The following COL4A3 variants were observed in gnomAD, a reference collection of about 807,000 sequenced individuals.
The protein encoded by COL4A3 is collagen alpha-3(IV) chain.
In COL4A3, 135 loss-of-function variants were observed where a neutral mutation model predicts 217.4. The observed-to-expected ratio is 0.62, with a 90% CI of 0.54 to 0.72. The LOEUF (loss-of-function observed/expected upper bound fraction) is 0.72. Ranked by LOEUF, COL4A3 falls within the 30% of genes least tolerant of loss-of-function variation. COL4A3 has a pLI of 0.00. For missense variants in COL4A3, 1,868 were observed against 2,119.9 expected, an observed-to-expected ratio of 0.88 and a Z score of 2.33; for synonymous variants, 690 against 736.3, an observed-to-expected ratio of 0.94 and a Z score of 1.02.
chr2:227,171,924 T>C (rs1430046401), intron 1 of COL4A3, among the ~76,000 whole-genome samples: 1 of 152,212 alleles, frequency 6.6e-6, no homozygotes, highest in African/African-American at 2.4e-5. Flanking sequence ...TTCTGGGGTC[T>C]AGGGTCCCTT....
rs145934656 is a variant in COL4A3 at position 227,214,431 on chromosome 2, C to T, written c.88-23537C>T. ...ATGTGAATTTTGTCATTTGTATATT[C>T]TCTGATTTAAACGTGTTGTTTGTAT... On this transcript the variant is annotated intron_variant, in intron 1 of 51. Transcript: ENST00000396578. Among the ~76,000 whole-genome samples, 11 of 152,254 alleles carry T rather than the reference C, an allele frequency of 7.2e-5. No homozygotes were observed. In the East Asian group the frequency reaches 1.3e-3, roughly 19 times the overall value.
chr2:227,206,849 TATC>T (rs2125774046), intron 1 of COL4A3, among the ~76,000 whole-genome samples: 1 of 152,350 alleles, frequency 6.6e-6, no homozygotes, highest in Non-Finnish European at 1.5e-5. Context: ...AAGTATTCTT[TATC>T]ATCACCCCAT....
In COL4A3 at chr2:227,250,965, C is replaced by G. The variant is rs749327788; in HGVS notation, c.547-175C>G. ...TTATCGTCCAGTTGGTCCTGCCAGCCTGTTACACATGGCAACACTTTTTGA... is the reference window on the plus strand; with the variant it reads ...TTATCGTCCAGTTGGTCCTGCCAGCGTGTTACACATGGCAACACTTTTTGA... On this transcript the variant is annotated intron_variant, in intron 9 of 51. Transcript: ENST00000396578. The surrounding 1 kb of genome is among the most constrained non-coding windows in gnomAD (Gnocchi z 4.1). 1.6e-4 allele frequency among the ~76,000 whole-genome samples: 25 copies of G among 152,198 alleles called. No individual in the cohort carries two copies. Among genetic ancestry groups the G allele is most frequent in the Non-Finnish European group, 3.4e-4 (23 of 68,038 alleles).
chr2:227,233,227 G>A (rs1179642778), intron 1 of COL4A3, among the ~76,000 whole-genome samples: 1 of 151,986 alleles, frequency 6.6e-6, no homozygotes, highest in East Asian at 1.9e-4. Flanking sequence ...TGGCCAGGCT[G>A]GTCTCAAACT....
chr2:227,272,529 G>C (rs2071302966), intron 25 of COL4A3, among the ~76,000 whole-genome samples: 1 of 152,206 alleles, frequency 6.6e-6, no homozygotes, highest in African/African-American at 2.4e-5. Flanking sequence ...AAATGGAAGT[G>C]GGAAATCCCC....
At position 227,283,823 on chromosome 2, in the gene COL4A3, C is replaced by T. The variant is rs1281787819; in HGVS notation, c.2713C>T (p.Pro905Ser). ...TCCTGGAGCCATTGGCCCTCCAGGG[C>T]CCCCTGGGAACCCAGGCACACCAGG... The part of the protein sequence containing the change: ...GFPGAIGPPG[P>S]PGNPGTPGQR... Residue 905 changes from proline (P) to serine (S), a missense_variant, in exon 33 of 52, where the codon CCC becomes TCC. This residue lies in a region of COL4A3 where 1,503 missense variants were observed against 1,786.1 expected (regional missense o/e 0.84). Coordinates refer to ENST00000396578, the MANE Select transcript of COL4A3 (RefSeq NM_000091.5). The T allele has an allele frequency of 1.9e-6, 3 of 1,613,854 alleles. No individual in the cohort carries two copies. The highest frequency in any genetic ancestry group is 2.5e-6 in the Non-Finnish European group (3 of 1,179,762).
intron 1 of COL4A3, among the ~76,000 whole-genome samples, chr2:227,185,998 G>C (rs2066018836): frequency 6.6e-6 from 1 of 152,196 alleles, no homozygotes; most frequent in South Asian, 2.1e-4. Flanking sequence ...TACTGGAAGT[G>C]TCCAGATAAT....
At position 227,312,272 on chromosome 2, in the gene COL4A3, C is replaced by A; in HGVS notation, c.*402C>A. On this transcript the variant is annotated 3_prime_UTR_variant, in exon 52 of 52. Coordinates refer to ENST00000396578, the MANE Select transcript of COL4A3 (RefSeq NM_000091.5). ...GGGAGGCTAAATCAGTGTTTGATTG[C>A]CCCGCCAACCCTTCCTGAAACTTCA... 1 of 251,044 alleles carries A rather than the reference C, an allele frequency of 4.0e-6. No individual in the cohort carries two copies. Among genetic ancestry groups the A allele is most frequent in the Non-Finnish European group, 7.9e-6 (1 of 127,176 alleles). The allele number at this position is 251,044 out of a possible 1,614,324, so 15.6% of individuals were successfully genotyped here.
intron 17 of COL4A3, among the ~76,000 whole-genome samples, chr2:227,257,351 G>A (rs903040954): frequency 6.6e-6 from 1 of 152,154 alleles, no homozygotes; most frequent in African/African-American, 2.4e-5. Flanking sequence ...CATTGCAGAT[G>A]GTGTTGTGAA....
At chr2:227,310,342 C>T (rs2073695593) in intron 50 of COL4A3, among the ~76,000 whole-genome samples, 1 of 152,174 alleles carries the variant, frequency 6.6e-6, no homozygotes, top group South Asian at 2.1e-4. Flanking sequence ...AATCTTGGCT[C>T]ACTGCAATCT....
At chr2:227,305,143 T>C (rs2073450083) in intron 47 of COL4A3, 60 bp downstream of exon 47, 1 of 1,454,600 alleles carries the variant, frequency 6.9e-7, no homozygotes, top group Non-Finnish European at 9.6e-7. Context: ...AGAGAAGTCT[T>C]GTTCGAGTGG....
chr2:227,313,663 C>T lies in COL4A3; in HGVS notation c.*1793C>T, dbSNP rs1284158329. ...CTCACATGGTTTACATCCTTCACTG[C>T]TCACGTGTTTGCTGTCAAGCCATTT... On this transcript the variant is annotated 3_prime_UTR_variant, in exon 52 of 52. Coordinates refer to ENST00000396578, the MANE Select transcript of COL4A3 (RefSeq NM_000091.5). 1 of 152,668 alleles carries T rather than the reference C, an allele frequency of 6.6e-6. No individual in the cohort carries two copies. The highest frequency in any genetic ancestry group is 6.5e-5 in the Admixed American group (1 of 15,288). The allele number at this position is 152,668 out of a possible 1,614,324, so 9.5% of individuals were successfully genotyped here. A position where few individuals can be genotyped will look rare whatever the true frequency, so the allele number is the denominator to read the frequency against.
chr2:227,285,656 A>T (rs78067999), intron 34 of COL4A3, among the ~76,000 whole-genome samples: 2,789 of 152,346 alleles, frequency 0.018, 69 homozygotes, highest in African/African-American at 0.064. Flanking sequence ...ATCTCTGCCT[A>T]CATAAGCAGA....
rs1256619919 is a variant in COL4A3, at chr2:227,280,922, G to A, written c.2404G>A (p.Glu802Lys). Residue 802 changes from glutamate (E) to lysine (K), a missense_variant, in exon 31 of 52, where the codon GAA becomes AAA. By Grantham distance (56) the Glu-to-Lys change is moderately conservative. Transcript: ENST00000396578. ...GDPGQPGPPGEQGPPGRCIEG... is the reference protein window; with the variant it reads ...GDPGQPGPPGKQGPPGRCIEG... ...TCCAGGGCAGCCTGGACCACCTGGA[G>A]AACAAGGACCCCCAGGAAGGTGCAT... 3 of 1,562,098 alleles carry A rather than the reference G, an allele frequency of 1.9e-6. No homozygotes were observed. The highest frequency in any genetic ancestry group is 3.8e-5 in the Admixed American group (2 of 52,678).
At position 227,173,833 on chromosome 2, in the gene COL4A3, G is replaced by C. The variant is rs113227585; in HGVS notation, c.87+9020G>C. On this transcript the variant is annotated intron_variant, in intron 1 of 51. Coordinates refer to ENST00000396578, the MANE Select transcript of COL4A3 (RefSeq NM_000091.5). The stretch of plus-strand genomic sequence containing the variant: ...TTTTCCTATTAAGTCTTCAAGGTCT[G>C]GTGTGTATTTTGTACTTGCTTCCAG... Among the ~76,000 whole-genome samples, 355 of 152,236 alleles carry C rather than the reference G, an allele frequency of 2.3e-3. 1 individual carries two copies. The highest frequency in any genetic ancestry group is 3.8e-3 in the Non-Finnish European group (258 of 68,022).
chr2:227,274,272 A>AATAAATAAATAAATAAATTT (rs1316074521), intron 26 of COL4A3, among the ~76,000 whole-genome samples: 25 of 149,076 alleles, frequency 1.7e-4, no homozygotes, highest in Non-Finnish European at 2.7e-4. Flanking sequence ...TAAATAAATA[A>AATAAATAAATAAATAAATTT]ATTTTAAAAA....
intron 25 of COL4A3, among the ~76,000 whole-genome samples, chr2:227,272,348 C>T (rs552122807): frequency 6.6e-5 from 10 of 152,238 alleles, no homozygotes; most frequent in African/African-American, 2.4e-4. Context: ...GACCACTTAG[C>T]CATCTGATGA....
chr2:227,197,373 G>A (rs997913180), intron 1 of COL4A3, among the ~76,000 whole-genome samples: 1 of 151,888 alleles, frequency 6.6e-6, no homozygotes, highest in East Asian at 1.9e-4. Context: ...GTGTACCATC[G>A]AGTATGTCCT....
chr2:227,299,033 A>T (rs2073160420), intron 43 of COL4A3, among the ~76,000 whole-genome samples: 1 of 152,312 alleles, frequency 6.6e-6, no homozygotes, highest in South Asian at 2.1e-4. Flanking sequence ...TAATCATGGC[A>T]GAAGGCACCT....
Sources: gnomAD v4.1 joint callset for allele counts (sites outside exome capture counted in the v4.1 genomes callset) on GRCh38, gnomAD v4.1.1 for gene constraint, gnomAD v4.1.1 regional missense constraint, Gnocchi (gnomAD v3.1) non-coding constraint, MANE v1.5 for transcripts, NCBI Gene and HGNC (gene_info 2026-07-23, HGNC 2026-07-21) for gene names.